Variants in ASXL2 observed in about 807,000 individuals in gnomAD.
ASXL2 encodes the protein putative Polycomb group protein ASXL2.
Under a neutral mutation model 122.0 loss-of-function variants are expected in ASXL2, and 23 were observed. That is an observed-to-expected ratio of 0.19 (90% CI 0.14 to 0.27). The LOEUF is 0.27. ASXL2 is among the 10% of genes least tolerant of loss of function. The probability of loss-of-function intolerance (pLI) is 1.00; values close to 1 mark genes in which losing one functional copy is unlikely to be tolerated. For missense variants in ASXL2, 1,518 were observed against 1,713.8 expected (o/e 0.89, Z 2.02); for synonymous variants, 650 against 637.0 (o/e 1.02, Z -0.31).
intron 2 of ASXL2, among the ~76,000 whole-genome samples, chr2:25,835,757 T>A (rs191411735): frequency 7.9e-5 from 12 of 152,294 alleles, no homozygotes; most frequent in African/African-American, 2.6e-4. Context: ...TAAACAAATT[T>A]AGCTAAACAG....
In ASXL2 at chr2:25,797,342, G is replaced by A. The variant is rs530619063; in HGVS notation, c.403+2043C>T. ...CGCCTGTAATCCCAGCTACTCGGGA[G>A]GCCAAGGCAGGAGAATCCTTTGAAC... On this transcript the variant is annotated intron_variant, in intron 5 of 12. Coordinates refer to ENST00000435504, the MANE Select transcript of ASXL2 (RefSeq NM_018263.6). Among the ~76,000 whole-genome samples the A allele has an allele frequency of 3.0e-3, 462 of 152,284 alleles. 4 individuals are homozygous for A. The highest frequency in any genetic ancestry group is 3.3e-3 in the Admixed American group (51 of 15,284).
At chr2:25,857,093 G>GGC (rs2089789474) in intron 1 of ASXL2, 1 of 116,198 alleles carries the variant, frequency 8.6e-6, no homozygotes, top group African/African-American at 3.2e-5. Context: ...GGGGGGGCGG[G>GGC]GGGGGGGAGA....
intron 5 of ASXL2, among the ~76,000 whole-genome samples, chr2:25,787,783 C>T (rs1005268747): frequency 6.6e-6 from 1 of 152,002 alleles, no homozygotes; most frequent in Non-Finnish European, 1.5e-5. Context: ...TTTAAAAAGT[C>T]AATAGAACTA....
At chr2:25,783,828 G>T (rs1024949131) in intron 5 of ASXL2, among the ~76,000 whole-genome samples, 13 of 152,048 alleles carry the variant, frequency 8.5e-5, no homozygotes, top group African/African-American at 2.7e-4. Context: ...GGCTGAGGTG[G>T]GAGGATCACG....
intron 3 of ASXL2, among the ~76,000 whole-genome samples, chr2:25,823,173 T>C (rs1213373662): frequency 6.6e-6 from 1 of 152,228 alleles, no homozygotes; most frequent in Non-Finnish European, 1.5e-5. Flanking sequence ...ACCTTATGCA[T>C]GAACATTTCC....
chr2:25,861,669 C>T (rs2089844132), intron 1 of ASXL2, among the ~76,000 whole-genome samples: 1 of 152,210 alleles, frequency 6.6e-6, no homozygotes, highest in Admixed American at 6.5e-5. Flanking sequence ...TCAGTAGAAA[C>T]CATACTTGTG....
intron 1 of ASXL2, among the ~76,000 whole-genome samples, chr2:25,849,452 C>CA (rs34833277): frequency 0.14 from 9,664 of 70,098 alleles, 1,554 homozygotes; most frequent in East Asian, 0.82. Flanking sequence ...GACTCTGACT[C>CA]AAAAAAAAAA....
chr2:25,770,172 A>AT (rs1204396209), intron 6 of ASXL2, among the ~76,000 whole-genome samples: 1 of 152,110 alleles, frequency 6.6e-6, no homozygotes, highest in Non-Finnish European at 1.5e-5. Flanking sequence ...GATTGCATCT[A>AT]TTTCTGCTGT....
chr2:25,744,094 G>A lies in ASXL2; in HGVS notation c.2243C>T (p.Pro748Leu). The change falls in exon 13 of 13, where the codon CCA (proline) becomes CTA (leucine). Residue 748 changes from proline to leucine, a missense_variant. Coordinates refer to ENST00000435504, the MANE Select transcript of ASXL2 (RefSeq NM_018263.6). This position sits in a 1 kb window ranked among gnomAD's most constrained non-coding sequence, Gnocchi z 4.7. ...GGTRELLPCGPETQPQSETKT... is the reference protein window; with the variant it reads ...GGTRELLPCGLETQPQSETKT... Reference sequence around the variant, plus strand: ...GGTCTCAGACTGGGGCTGAGTCTCTGGACCACAGGGTAAAAGCTCTCTCGT... The same window carrying A: ...GGTCTCAGACTGGGGCTGAGTCTCTAGACCACAGGGTAAAAGCTCTCTCGT... 6.2e-7 allele frequency: 1 copy of A among 1,613,940 alleles called. No individual in the cohort carries two copies. Among genetic ancestry groups the A allele is most frequent in the Non-Finnish European group, 8.5e-7 (1 of 1,179,872 alleles).
intron 5 of ASXL2, among the ~76,000 whole-genome samples, chr2:25,785,614 T>C (rs1440348271): frequency 6.6e-6 from 1 of 152,150 alleles, no homozygotes; most frequent in Non-Finnish European, 1.5e-5. Context: ...TGATGCAATC[T>C]TGGCTCACTG....
intron 4 of ASXL2, among the ~76,000 whole-genome samples, chr2:25,800,289 T>G (rs1328539222): frequency 6.6e-6 from 1 of 152,102 alleles, no homozygotes; most frequent in East Asian, 1.9e-4. Context: ...CAGAGTGAGA[T>G]CCTGTCTCAA....
rs531640178 is a variant in ASXL2, at chr2:25,837,877, G to C, written c.141-2337C>G. ...CATGCCTGTAAACCCAGCACTTTGG[G>C]AGGCCGAAGCAGGCAGACCACTTGA... On this transcript the variant is annotated intron_variant, in intron 2 of 12. Transcript: ENST00000435504. 1.9e-4 allele frequency among the ~76,000 whole-genome samples: 28 copies of C among 150,638 alleles called. No individual in the cohort carries two copies. In the South Asian group the frequency reaches 4.4e-3, roughly 24 times the overall value.
Position 25,753,612 on chromosome 2 carries a change from C to G in ASXL2, c.1064G>C (p.Arg355Thr), listed in dbSNP as rs774776226. 6.2e-7 allele frequency: 1 copy of G among 1,613,638 alleles called. No individual in the cohort carries two copies. Among genetic ancestry groups the G allele is most frequent in the Non-Finnish European group, 8.5e-7 (1 of 1,179,802 alleles). The change falls in exon 11 of 13, where the codon AGA becomes ACA. Residue 355 changes from arginine to threonine, a missense_variant. Arg to Thr is a moderately conservative substitution (Grantham distance 71). Coordinates refer to ENST00000435504, the MANE Select transcript of ASXL2 (RefSeq NM_018263.6). ...EGEFTPEMQV[R>T]IRQEIEKEKK... ...CTCCTTCTCAATCTCTTGTCGAATTCTCACCTGCATCTCAGGTGTAAACTC... is the reference window on the plus strand; with the variant it reads ...CTCCTTCTCAATCTCTTGTCGAATTGTCACCTGCATCTCAGGTGTAAACTC...
Position 25,742,339 on chromosome 2 carries a change from A to G in ASXL2, c.3998T>C (p.Val1333Ala). Residue 1333 changes from valine (V) to alanine (A), a missense_variant, in exon 13 of 13, where the codon GTC becomes GCC. Around this residue, in one of 8 missense-constraint regions of ASXL2, gnomAD observed 831 missense variants for 833.1 expected, o/e 1.00. Transcript: ENST00000435504. ...IGPSYRGMINVSTSSDMDHNS... is the reference protein window; with the variant it reads ...IGPSYRGMINASTSSDMDHNS... The stretch of plus-strand genomic sequence containing the variant: ...ATGGTCCATGTCAGATGAGGTGGAG[A>G]CATTGATCATGCCTCTATAGCTTGG... 6.2e-7 allele frequency: 1 copy of G among 1,609,752 alleles called. No individual in the cohort carries two copies. The highest frequency in any genetic ancestry group is 8.5e-7 in the Non-Finnish European group (1 of 1,178,646).
At chr2:25,848,332 G>A (rs1001516335) in intron 1 of ASXL2, among the ~76,000 whole-genome samples, 5 of 152,196 alleles carry the variant, frequency 3.3e-5, no homozygotes, top group Non-Finnish European at 7.3e-5. Flanking sequence ...GCTATTAGAA[G>A]TGGAGACCGG....
At chr2:25,875,818 T>A (rs2090005692) in intron 1 of ASXL2, among the ~76,000 whole-genome samples, 1 of 152,208 alleles carries the variant, frequency 6.6e-6, no homozygotes, top group Non-Finnish European at 1.5e-5. Flanking sequence ...GCCTTAAAAC[T>A]TCTTTTCCTA....
intron 1 of ASXL2, among the ~76,000 whole-genome samples, chr2:25,868,809 G>T (rs2089931071): frequency 6.6e-6 from 1 of 152,114 alleles, no homozygotes; most frequent in South Asian, 2.1e-4. Flanking sequence ...GGAGAGGACT[G>T]CTTGAGCCCA....
rs1472295085 is a variant in ASXL2, at chr2:25,767,569, G to C, written c.775+14C>G. The C allele has an allele frequency of 1.2e-6, 2 of 1,607,382 alleles. No individual in the cohort carries two copies. Among genetic ancestry groups the C allele is most frequent in the South Asian group, 1.1e-5 (1 of 89,692 alleles). On this transcript the variant is annotated intron_variant, in intron 8 of 12. Transcript: ENST00000435504. ...CATGGCAATGAAAACTGAAGTCTTT[G>C]TAAGCAAACTTACTGGTATGGAGTC...
At chr2:25,788,299 GAC>G (rs549491771) in intron 5 of ASXL2, among the ~76,000 whole-genome samples, 4 of 152,296 alleles carry the variant, frequency 2.6e-5, no homozygotes, top group African/African-American at 7.2e-5. Context: ...TATACAGGAA[GAC>G]AGTTTCCTCT....
Sources: allele counts gnomAD v4.1 joint callset (sites outside exome capture counted in the v4.1 genomes callset), GRCh38; gene constraint gnomAD v4.1.1; regional missense constraint gnomAD v4.1.1; non-coding constraint Gnocchi (gnomAD v3.1); transcripts MANE v1.5; gene names NCBI Gene and HGNC (gene_info 2026-07-23, HGNC 2026-07-21).